The following TNFRSF8 variants were observed in gnomAD, a reference collection of about 807,000 sequenced individuals.
TNFRSF8 encodes the protein tumor necrosis factor receptor superfamily member 8.
Under a neutral mutation model 70.8 loss-of-function variants are expected in TNFRSF8, and 26 were observed. The ratio of observed to expected loss-of-function variants is 0.37; its 90% CI spans 0.27 to 0.51. The LOEUF is 0.51. TNFRSF8 is among the 20% of genes least tolerant of loss of function. The pLI is 0.94. For synonymous variants in TNFRSF8, 356 were observed against 339.2 expected, an observed-to-expected ratio of 1.05 and a Z score of -0.54; for missense variants, 720 against 807.9, an observed-to-expected ratio of 0.89 and a Z score of 1.32.
At chr1:12,077,224 A>G (rs1640981265) in intron 1 of TNFRSF8, among the ~76,000 whole-genome samples, 1 of 152,186 alleles carries the variant, frequency 6.6e-6, no homozygotes, top group African/African-American at 2.4e-5. Flanking sequence ...TCGCCTGGCC[A>G]AATGTCCACA....
intron 12 of TNFRSF8, among the ~76,000 whole-genome samples, chr1:12,130,090 T>C (rs1176885175): frequency 6.6e-6 from 1 of 152,116 alleles, no homozygotes. Context: ...GTATTTTCAG[T>C]AGAGACAGAG....
At position 12,110,918 on chromosome 1, in the gene TNFRSF8, T is replaced by C. The variant is rs922772332; in HGVS notation, c.676+714T>C. 2.0e-5 allele frequency among the ~76,000 whole-genome samples: 3 copies of C among 152,266 alleles called. No homozygotes were observed. The East Asian group carries it at 5.8e-4, about 29-fold the overall frequency. Reference sequence around the variant, plus strand: ...GCCCAACCTAGTCCCATTTTATTACTGAATAGCCCTCCATGGCGTAGATAT... The same window carrying C: ...GCCCAACCTAGTCCCATTTTATTACCGAATAGCCCTCCATGGCGTAGATAT... On this transcript the variant is annotated intron_variant, in intron 6 of 14. Coordinates refer to ENST00000263932, the MANE Select transcript of TNFRSF8 (RefSeq NM_001243.5). The surrounding 1 kb of genome is among the most constrained non-coding windows in gnomAD (Gnocchi z 4.0).
At chr1:12,125,282 T>C (rs1408270488) in intron 10 of TNFRSF8, among the ~76,000 whole-genome samples, 1 of 152,234 alleles carries the variant, frequency 6.6e-6, no homozygotes, top group African/African-American at 2.4e-5. Flanking sequence ...TAGATCTAGA[T>C]AGGGGTTAAG....
At chr1:12,085,924 G>A (rs527396755) in intron 2 of TNFRSF8, among the ~76,000 whole-genome samples, 5 of 152,352 alleles carry the variant, frequency 3.3e-5, no homozygotes, top group South Asian at 4.1e-4. Flanking sequence ...AGATTGTCAC[G>A]GGGACATCAG....
chr1:12,097,884 C>G (rs1343946872), intron 3 of TNFRSF8, among the ~76,000 whole-genome samples: 38 of 152,100 alleles, frequency 2.5e-4, no homozygotes, highest in Non-Finnish European at 1.5e-5. Flanking sequence ...AAGTTCTCTA[C>G]ATATCTATTA....
chr1:12,139,810 A>G (rs973755800), intron 14 of TNFRSF8, among the ~76,000 whole-genome samples: 2 of 151,882 alleles, frequency 1.3e-5, no homozygotes, highest in African/African-American at 4.8e-5. Flanking sequence ...AATTTTTTGT[A>G]TTTTTAGTAG....
Position 12,111,027 on chromosome 1 carries a change from C to T in TNFRSF8, c.676+823C>T, listed in dbSNP as rs559875113. ...ATGAAGAAAGAAAAATACATCTTTGCGTGTATGTGCTTTCCTTTCTCTTGG... is the reference window on the plus strand; with the variant it reads ...ATGAAGAAAGAAAAATACATCTTTGTGTGTATGTGCTTTCCTTTCTCTTGG... On this transcript the variant is annotated intron_variant, in intron 6 of 14. Coordinates refer to ENST00000263932, the MANE Select transcript of TNFRSF8 (RefSeq NM_001243.5). 5.3e-5 allele frequency among the ~76,000 whole-genome samples: 8 copies of T among 152,254 alleles called. No homozygotes were observed. The East Asian group carries it at 1.2e-3, about 22-fold the overall frequency.
intron 1 of TNFRSF8, among the ~76,000 whole-genome samples, chr1:12,083,518 C>G (rs1398412223): frequency 6.6e-6 from 1 of 152,148 alleles, no homozygotes; most frequent in Non-Finnish European, 1.5e-5. Context: ...GTGAAACTCT[C>G]TCTGCTAAAA....
At position 12,138,941 on chromosome 1, in the gene TNFRSF8, C is replaced by A. The variant is rs1642204808; in HGVS notation, c.1543+505C>A. 7.1e-6 allele frequency among the ~76,000 whole-genome samples: 1 copy of A among 140,118 alleles called. No individual in the cohort carries two copies. The highest frequency in any genetic ancestry group is 2.2e-4 in the South Asian group (1 of 4,512). The allele number at this position is 140,118 out of a possible 152,430, so 91.9% of individuals were successfully genotyped here. A position where few individuals can be genotyped will look rare whatever the true frequency, so the allele number is the denominator to read the frequency against. ...GGCACAGCTGGAACTCGTCCCGCAT[C>A]TGCTGGGCCTTGAAGCCCGTGGTTT... On this transcript the variant is annotated intron_variant, in intron 14 of 14. Coordinates refer to ENST00000263932, the MANE Select transcript of TNFRSF8 (RefSeq NM_001243.5). This position sits in a 1 kb window ranked among gnomAD's most constrained non-coding sequence, Gnocchi z 5.7.
rs879120931 is a variant in TNFRSF8, at chr1:12,115,480, C to T, written c.794-97C>T. 4.5e-6 allele frequency: 6 copies of T among 1,339,824 alleles called. No individual in the cohort carries two copies. The South Asian group carries it at 4.7e-5, about 10-fold the overall frequency. The allele number at this position is 1,339,824 out of a possible 1,614,324, so 83.0% of individuals were successfully genotyped here. On this transcript the variant is annotated intron_variant, in intron 7 of 14. Coordinates refer to ENST00000263932, the MANE Select transcript of TNFRSF8 (RefSeq NM_001243.5). ...AGCATTTATTTTCTTGTTGGATGAC[C>T]CTTGGACAACTGCTTCTCTGTCTTC...
intron 8 of TNFRSF8, among the ~76,000 whole-genome samples, chr1:12,122,223 G>T (rs148902620): frequency 1.6e-3 from 243 of 152,214 alleles, no homozygotes; most frequent in African/African-American, 5.5e-3. Context: ...TAGAGACAGG[G>T]TCTTGCTATG....
At chr1:12,123,432 G>A in intron 9 of TNFRSF8, 55 bp downstream of exon 9, 1 of 1,507,368 alleles carries the variant, frequency 6.6e-7, no homozygotes, top group Non-Finnish European at 9.0e-7. Flanking sequence ...AGCTGTCCCT[G>A]CCATGCCCAG....
At position 12,138,295 on chromosome 1, in the gene TNFRSF8, C is replaced by T; in HGVS notation, c.1402C>T (p.Leu468=). The T allele has an allele frequency of 6.2e-7, 1 of 1,613,638 alleles. No homozygotes were observed. The highest frequency in any genetic ancestry group is 2.2e-5 in the East Asian group (1 of 44,868). Residue 468 remains leucine (L), a synonymous_variant, in exon 14 of 15, where the codon CTG becomes TTG. Transcript: ENST00000263932. This position sits in a 1 kb window ranked among gnomAD's most constrained non-coding sequence, Gnocchi z 5.7. ...AEERGLMSQP[L]METCHSVGAA... ...AGAGCGAGGGTTAATGAGCCAGCCACTGATGGAGACCTGCCACAGCGTGGG... is the reference window on the plus strand; with the variant it reads ...AGAGCGAGGGTTAATGAGCCAGCCATTGATGGAGACCTGCCACAGCGTGGG...
Position 12,110,946 on chromosome 1 carries a change from C to T in TNFRSF8, c.676+742C>T, listed in dbSNP as rs375418376. 5.3e-5 allele frequency among the ~76,000 whole-genome samples: 8 copies of T among 152,214 alleles called. No homozygotes were observed. In the East Asian group the frequency reaches 1.5e-3, roughly 29 times the overall value. ...ATAGCCCTCCATGGCGTAGATATGC[C>T]GAGCTCTGTTTATCCAGTTTTTGAA... On this transcript the variant is annotated intron_variant, in intron 6 of 14. Coordinates refer to ENST00000263932, the MANE Select transcript of TNFRSF8 (RefSeq NM_001243.5). This position sits in a 1 kb window ranked among gnomAD's most constrained non-coding sequence, Gnocchi z 4.0.
Position 12,076,390 on chromosome 1 carries a change from G to T in TNFRSF8, c.64-8074G>T, listed in dbSNP as rs1043503760. 2.6e-5 allele frequency among the ~76,000 whole-genome samples: 4 copies of T among 152,236 alleles called. 1 individual carries two copies. Among genetic ancestry groups the T allele is most frequent in the South Asian group, 4.1e-4 (2 of 4,822 alleles). ...GCTGGGATTACAAGCGTGAGCTACC[G>T]TGCCCGGCCTCAGTTTTATTCTCCA... On this transcript the variant is annotated intron_variant, in intron 1 of 14. Transcript: ENST00000263932.
At chr1:12,115,515 C>G in intron 7 of TNFRSF8, 62 bp from the exon 8 acceptor site, 1 of 1,594,880 alleles carries the variant, frequency 6.3e-7, no homozygotes, top group Non-Finnish European at 8.6e-7. Context: ...CCTGGGGGCT[C>G]TCTGGACCCC....
chr1:12,126,149 G>A (rs757885409), intron 11 of TNFRSF8, 34 bp from the exon 12 acceptor site: 8 of 1,613,834 alleles, frequency 5.0e-6, no homozygotes, highest in South Asian at 3.3e-5. Context: ...CTCTGAGGCC[G>A]CCACCCCCAG....
chr1:12,109,936 C>T lies in TNFRSF8; in HGVS notation c.513-105C>T. The T allele has an allele frequency of 7.1e-7, 1 of 1,408,530 alleles. No homozygotes were observed. Among genetic ancestry groups the T allele is most frequent in the Non-Finnish European group, 9.7e-7 (1 of 1,031,346 alleles). The allele number at this position is 1,408,530 out of a possible 1,614,324, so 87.3% of individuals were successfully genotyped here. A position where few individuals can be genotyped will look rare whatever the true frequency, so the allele number is the denominator to read the frequency against. The stretch of plus-strand genomic sequence containing the variant: ...CAGTGGGCCCGCCAGAGGCAGTGGG[C>T]CAAGGGCCTGGGACCCCATCTCTGT... On this transcript the variant is annotated intron_variant, in intron 5 of 14. Transcript: ENST00000263932. The surrounding 1 kb of genome is among the most constrained non-coding windows in gnomAD (Gnocchi z 4.4).
Position 12,109,981 on chromosome 1 carries a change from C to A in TNFRSF8, c.513-60C>A. On this transcript the variant is annotated intron_variant, in intron 5 of 14. Transcript: ENST00000263932. The surrounding 1 kb of genome is among the most constrained non-coding windows in gnomAD (Gnocchi z 4.4). ...CTCTGTGGAAACTGTTACTCGTGAG[C>A]ACAGGCCTCCCTTGCCCCATTGGCA... 6.4e-7 allele frequency: 1 copy of A among 1,574,062 alleles called. No homozygotes were observed.
Sources: allele counts gnomAD v4.1 joint callset (sites outside exome capture counted in the v4.1 genomes callset), GRCh38; gene constraint gnomAD v4.1.1; non-coding constraint Gnocchi (gnomAD v3.1); transcripts MANE v1.5; gene names NCBI Gene and HGNC (gene_info 2026-07-23, HGNC 2026-07-21).